PLAGL1: variants seen among roughly 807,000 people sequenced by gnomAD.
PLAGL1 encodes the protein PLAG1 like zinc finger 1.
PLAGL1 carries 1 observed loss-of-function variant against 4.6 expected under a neutral mutation model. The ratio of observed to expected loss-of-function variants is 0.22; its 90% CI spans 0.08 to 1.03. The LOEUF (loss-of-function observed/expected upper bound fraction) is 1.03, where lower values mean the gene tolerates loss of function less well. PLAGL1 is among the 50% of genes least tolerant of loss of function. The probability of loss-of-function intolerance (pLI) is 0.58; values close to 1 mark genes in which losing one functional copy is unlikely to be tolerated. For synonymous variants in PLAGL1, 240 were observed against 237.8 expected (o/e 1.01, Z -0.08); for missense variants, 464 against 570.4 (o/e 0.81, Z 1.90).
upstream of PLAGL1, among the ~76,000 whole-genome samples, chr6:144,013,290 T>G (rs1795317077): frequency 6.6e-6 from 1 of 152,238 alleles, no homozygotes; most frequent in Non-Finnish European, 1.5e-5. This position sits in a 1 kb window ranked among gnomAD's most constrained non-coding sequence, Gnocchi z 4.4. Context: ...GTAACAGCTA[T>G]GATGGGGCTA....
chr6:144,061,816 A>C lies in PLAGL1; in HGVS notation c.-151+2652T>G, dbSNP rs1043656828. On this transcript the variant is annotated intron_variant, in intron 1 of 3. Coordinates refer to the PLAGL1 transcript ENST00000437412. This position sits in a 1 kb window ranked among gnomAD's most constrained non-coding sequence, Gnocchi z 4.4. ...CCCTCTTCTAGTTATTCCTTTTTTTAATTCCTCTTACGATTTTCCTTTTGT... is the reference window on the plus strand; with the variant it reads ...CCCTCTTCTAGTTATTCCTTTTTTTCATTCCTCTTACGATTTTCCTTTTGT... Among the ~76,000 whole-genome samples the C allele has an allele frequency of 6.6e-6, 1 of 151,996 alleles. No individual in the cohort carries two copies. Among genetic ancestry groups the C allele is most frequent in the Non-Finnish European group, 1.5e-5 (1 of 67,996 alleles).
chr6:143,999,768 A>G (rs1363678035), intron 1 of PLAGL1, among the ~76,000 whole-genome samples: 1 of 152,250 alleles, frequency 6.6e-6, no homozygotes, highest in Non-Finnish European at 1.5e-5. Flanking sequence ...GTTACTTTCG[A>G]GTGCAAGATG....
At chr6:144,040,154 T>C (rs1797611935) in intron 1 of PLAGL1, among the ~76,000 whole-genome samples, 1 of 152,238 alleles carries the variant, frequency 6.6e-6, no homozygotes, top group Non-Finnish European at 1.5e-5. Flanking sequence ...CCAAAGTTCA[T>C]GGTAAGTACT....
chr6:144,043,378 G>A (rs1303699440), intron 1 of PLAGL1, among the ~76,000 whole-genome samples: 3 of 152,136 alleles, frequency 2.0e-5, no homozygotes, highest in Non-Finnish European at 4.4e-5. Flanking sequence ...AGAGTTTTTA[G>A]CATGAAGGGC....
Position 143,941,357 on chromosome 6 carries a change from G to T in PLAGL1, c.*67C>A. On this transcript the variant is annotated 3_prime_UTR_variant, in exon 8 of 8. Transcript: ENST00000674357. The surrounding 1 kb of genome is among the most constrained non-coding windows in gnomAD (Gnocchi z 6.0). Reference sequence around the variant, plus strand: ...TCGTTTTCCAAATCTTTCTCATATTGTAACTGACATTTAAAATGCTTCTTA... The same window carrying T: ...TCGTTTTCCAAATCTTTCTCATATTTTAACTGACATTTAAAATGCTTCTTA... 8.0e-7 allele frequency: 1 copy of T among 1,250,634 alleles called. No individual in the cohort carries two copies. The highest frequency in any genetic ancestry group is 1.1e-6 in the Non-Finnish European group (1 of 915,746). The allele number at this position is 1,250,634 out of a possible 1,614,324, so 77.5% of individuals were successfully genotyped here. A position where few individuals can be genotyped will look rare whatever the true frequency, so the allele number is the denominator to read the frequency against.
intron 1 of PLAGL1, chr6:144,007,612 A>T (rs540346745): frequency 6.6e-6 from 1 of 152,218 alleles, no homozygotes; most frequent in Non-Finnish European, 1.5e-5. Flanking sequence ...TTAGGACCCC[A>T]CGTTTTTAAA....
rs540838798 is a variant in PLAGL1 at position 143,954,875 on chromosome 6, C to G, written c.-325+5594G>C. 6.6e-6 allele frequency among the ~76,000 whole-genome samples: 1 copy of G among 152,238 alleles called. No homozygotes were observed. Among genetic ancestry groups the G allele is most frequent in the Admixed American group, 6.5e-5 (1 of 15,304 alleles). On this transcript the variant is annotated intron_variant, in intron 6 of 7. Transcript: ENST00000674357. The surrounding 1 kb of genome is among the most constrained non-coding windows in gnomAD (Gnocchi z 5.1). The stretch of plus-strand genomic sequence containing the variant: ...TGGCAAGGTGTTTGATTATAAAAAT[C>G]AAACTACACAAACAGCTGCATTTCT...
At chr6:143,969,421 G>A (rs1785010409) in intron 2 of PLAGL1, among the ~76,000 whole-genome samples, 1 of 152,030 alleles carries the variant, frequency 6.6e-6, no homozygotes, top group Non-Finnish European at 1.5e-5. Context: ...CTGGTAAGCA[G>A]GGAGTATTCA....
Position 143,942,401 on chromosome 6 carries a change from G to A in PLAGL1, c.415C>T (p.Leu139Phe), listed in dbSNP as rs1162426535. 1.2e-6 allele frequency: 2 copies of A among 1,614,028 alleles called. No individual in the cohort carries two copies. The highest frequency in any genetic ancestry group is 1.3e-5 in the African/African-American group (1 of 74,914). ...GGCTTCTCTTCCGCATGGGCTTTGA[G>A]GTGGTCCAGTAGCACCTCGGTGCTC... ...LGSTEVLLDH[L>F]KAHAEEKPPS... The change falls in exon 8 of 8, where the codon CTC becomes TTC. Residue 139 changes from leucine (L) to phenylalanine (F), a missense_variant. Coordinates refer to ENST00000674357, the MANE Select transcript of PLAGL1 (RefSeq NM_001317162.2). This position sits in a 1 kb window ranked among gnomAD's most constrained non-coding sequence, Gnocchi z 7.6.
rs1241216581 is a variant in PLAGL1, at chr6:143,968,468, T to G, written c.-472+439A>C. On this transcript the variant is annotated intron_variant, in intron 3 of 7. Transcript: ENST00000674357. The surrounding 1 kb of genome is among the most constrained non-coding windows in gnomAD (Gnocchi z 6.3). ...AATGGTGGACCCTACCTCAGTTTTTTTTTTCCTAATATTTCTTTAAGATAA... is the reference window on the plus strand; with the variant it reads ...AATGGTGGACCCTACCTCAGTTTTTGTTTTCCTAATATTTCTTTAAGATAA... 1 of 152,158 alleles carries G rather than the reference T, an allele frequency of 6.6e-6. No individual in the cohort carries two copies. Among genetic ancestry groups the G allele is most frequent in the Non-Finnish European group, 1.5e-5 (1 of 68,032 alleles). The allele number at this position is 152,158 out of a possible 1,614,324, so 9.4% of individuals were successfully genotyped here. A position where few individuals can be genotyped will look rare whatever the true frequency, so the allele number is the denominator to read the frequency against.
At position 143,978,177 on chromosome 6, in the gene PLAGL1, A is replaced by T. The variant is rs1217177661; in HGVS notation, c.-544+6958T>A. On this transcript the variant is annotated intron_variant, in intron 2 of 7. Transcript: ENST00000674357. The surrounding 1 kb of genome is among the most constrained non-coding windows in gnomAD (Gnocchi z 4.6). ...TGTTTTCCTGTTTTCAACTTTGTTG[A>T]TTTCCGCTCTAATTTTCAGTATTTA... is the stretch of plus-strand genomic sequence containing the variant. 6.6e-6 allele frequency among the ~76,000 whole-genome samples: 1 copy of T among 151,954 alleles called. No individual in the cohort carries two copies. Among genetic ancestry groups the T allele is most frequent in the Non-Finnish European group, 1.5e-5 (1 of 67,976 alleles).
Position 143,957,302 on chromosome 6 carries a change from G to T in PLAGL1, c.-325+3167C>A, listed in dbSNP as rs908028528. On this transcript the variant is annotated intron_variant, in intron 6 of 7. Coordinates refer to ENST00000674357, the MANE Select transcript of PLAGL1 (RefSeq NM_001317162.2). The surrounding 1 kb of genome is among the most constrained non-coding windows in gnomAD (Gnocchi z 4.2). The stretch of plus-strand genomic sequence containing the variant: ...ATGAAGACTCTCAGGAGTCTGGTGG[G>T]GGGGTGAGGGGTGGAGAGCAACTCC... 6.6e-6 allele frequency among the ~76,000 whole-genome samples: 1 copy of T among 152,202 alleles called. No homozygotes were observed. The highest frequency in any genetic ancestry group is 1.5e-5 in the Non-Finnish European group (1 of 68,032).
intron 1 of PLAGL1, among the ~76,000 whole-genome samples, chr6:144,014,102 A>AT (rs1474939088): frequency 6.6e-6 from 1 of 152,134 alleles, no homozygotes; most frequent in East Asian, 1.9e-4. Context: ...ATGCTATCTG[A>AT]TTTTTACGCC....
At chr6:144,008,860 CG>C (rs916225397), upstream of PLAGL1, 1 of 152,166 alleles carries the variant, frequency 6.6e-6, no homozygotes, top group Non-Finnish European at 1.5e-5. This position sits in a 1 kb window ranked among gnomAD's most constrained non-coding sequence, Gnocchi z 6.9. Context: ...GAGAAATACC[CG>C]TCTCACAGCT....
At position 143,989,094 on chromosome 6, in the gene PLAGL1, C is replaced by T. The variant is rs777508269; in HGVS notation, c.-583-3920G>A. Among the ~76,000 whole-genome samples, 6 of 152,164 alleles carry T rather than the reference C, an allele frequency of 3.9e-5. No individual in the cohort carries two copies. Among genetic ancestry groups the T allele is most frequent in the African/African-American group, 9.7e-5 (4 of 41,446 alleles). On this transcript the variant is annotated intron_variant, in intron 1 of 7. Transcript: ENST00000674357. This position sits in a 1 kb window ranked among gnomAD's most constrained non-coding sequence, Gnocchi z 4.8. Reference sequence around the variant, plus strand: ...AACCTATGCACTTTTGTAATCACAGCGCTAACCAAATAATAATGCATACCT... The same window carrying T: ...AACCTATGCACTTTTGTAATCACAGTGCTAACCAAATAATAATGCATACCT...
chr6:143,952,562 C>A lies in PLAGL1; in HGVS notation c.-324-4102G>T, dbSNP rs1382006583. On this transcript the variant is annotated intron_variant, in intron 6 of 7. Coordinates refer to ENST00000674357, the MANE Select transcript of PLAGL1 (RefSeq NM_001317162.2). This position sits in a 1 kb window ranked among gnomAD's most constrained non-coding sequence, Gnocchi z 6.1. ...GATTATTTTGGGGATGAGAGAGGATCAGACGGGAAGAAGAACATATATATA... is the reference window on the plus strand; with the variant it reads ...GATTATTTTGGGGATGAGAGAGGATAAGACGGGAAGAAGAACATATATATA... 6.6e-6 allele frequency among the ~76,000 whole-genome samples: 1 copy of A among 152,114 alleles called. No homozygotes were observed. The highest frequency in any genetic ancestry group is 1.5e-5 in the Non-Finnish European group (1 of 68,028).
At chr6:144,021,299 C>T (rs1343434493) in intron 1 of PLAGL1, among the ~76,000 whole-genome samples, 1 of 152,144 alleles carries the variant, frequency 6.6e-6, no homozygotes, top group Non-Finnish European at 1.5e-5. Flanking sequence ...AGTTCTATTT[C>T]ATCAGGAAAT....
chr6:144,032,908 T>G (rs1181522899), intron 1 of PLAGL1, among the ~76,000 whole-genome samples: 3 of 152,088 alleles, frequency 2.0e-5, no homozygotes, highest in Admixed American at 2.0e-4. Flanking sequence ...AAGTAAACCC[T>G]GAGAGGTAAG....
chr6:144,056,347 G>A lies in PLAGL1; in HGVS notation c.-151+8121C>T, dbSNP rs573045783. 4.1e-4 allele frequency among the ~76,000 whole-genome samples: 62 copies of A among 152,164 alleles called. 1 individual carries two copies. Among genetic ancestry groups the A allele is most frequent in the South Asian group, 2.7e-3 (13 of 4,816 alleles). On this transcript the variant is annotated intron_variant, in intron 1 of 3. Transcript: ENST00000437412. The surrounding 1 kb of genome is among the most constrained non-coding windows in gnomAD (Gnocchi z 4.7). ...CACTGACACACCATTATCACCCAGC[G>A]TCCATGGTTCACATTCGGGCTCACC...
Sources: allele counts gnomAD v4.1 joint callset (sites outside exome capture counted in the v4.1 genomes callset), GRCh38; gene constraint gnomAD v4.1.1; non-coding constraint Gnocchi (gnomAD v3.1); transcripts MANE v1.5; gene names NCBI Gene and HGNC (gene_info 2026-07-23, HGNC 2026-07-21).